The following GRM8 variants were observed in gnomAD, a reference collection of about 807,000 sequenced individuals.
The protein encoded by GRM8 is metabotropic glutamate receptor 8.
GRM8 carries 47 observed loss-of-function variants against 87.2 expected under a neutral mutation model. The ratio of observed to expected loss-of-function variants is 0.54; its 90% CI spans 0.43 to 0.69. GRM8 has a LOEUF of 0.69. GRM8 is among the 30% of genes least tolerant of loss of function. GRM8 has a pLI of 0.00. For synonymous variants in GRM8, 396 were observed against 404.5 expected, an observed-to-expected ratio of 0.98 and a Z score of 0.25; for missense variants, 1,019 against 1,139.2, an observed-to-expected ratio of 0.89 and a Z score of 1.52.
intron 3 of GRM8, among the ~76,000 whole-genome samples, chr7:126,989,929 T>C (rs1812478454): frequency 6.6e-6 from 1 of 151,376 alleles, no homozygotes; most frequent in South Asian, 2.1e-4. Flanking sequence ...CCAGCCTGGG[T>C]GACAGAGCAA....
intron 2 of GRM8, among the ~76,000 whole-genome samples, chr7:127,165,190 A>ATATT (rs1793377704): frequency 1.9e-5 from 2 of 105,720 alleles, no homozygotes; most frequent in Non-Finnish European, 3.9e-5. Flanking sequence ...ATATATATAT[A>ATATT]TATTCAGGTT....
At chr7:126,571,417 C>G (rs10954120) in intron 8 of GRM8, among the ~76,000 whole-genome samples, 1 of 151,896 alleles carries the variant, frequency 6.6e-6, no homozygotes, top group African/African-American at 2.4e-5. Context: ...AGTCTAACTA[C>G]AGAGCCATTG....
intron 9 of GRM8, among the ~76,000 whole-genome samples, chr7:126,469,511 A>C (rs528568084): frequency 3.5e-4 from 53 of 152,252 alleles, no homozygotes; most frequent in African/African-American, 5.1e-4. Flanking sequence ...GGAGGGACTC[A>C]GTGGGAGGGA....
intron 9 of GRM8, among the ~76,000 whole-genome samples, chr7:126,498,882 A>G (rs1809193740): frequency 6.6e-6 from 1 of 152,018 alleles, no homozygotes; most frequent in African/African-American, 2.4e-5. Context: ...TAACTTGTTA[A>G]TTAGATGAAA....
intron 3 of GRM8, among the ~76,000 whole-genome samples, chr7:126,974,393 G>C (rs1447702624): frequency 6.6e-6 from 1 of 152,260 alleles, no homozygotes; most frequent in East Asian, 1.9e-4. Flanking sequence ...ATGTTAGTTT[G>C]CTTCACTATA....
At chr7:127,064,859 A>C (rs1473641984) in intron 3 of GRM8, among the ~76,000 whole-genome samples, 1 of 152,164 alleles carries the variant, frequency 6.6e-6, no homozygotes, top group Non-Finnish European at 1.5e-5. Context: ...ATAAAAAGTC[A>C]AAAAACAACA....
chr7:127,155,652 T>A (rs1792677781), intron 2 of GRM8, among the ~76,000 whole-genome samples: 1 of 152,198 alleles, frequency 6.6e-6, no homozygotes, highest in South Asian at 2.1e-4. Flanking sequence ...TATCTGGAAC[T>A]AAATAGCAAG....
chr7:127,108,885 T>C (rs1239710946), intron 2 of GRM8, among the ~76,000 whole-genome samples: 5 of 152,194 alleles, frequency 3.3e-5, no homozygotes, highest in Non-Finnish European at 4.4e-5. Flanking sequence ...AGAGTATGCA[T>C]TTGTATTTTT....
chr7:127,159,741 G>C (rs1311313837), intron 2 of GRM8, among the ~76,000 whole-genome samples: 1 of 151,670 alleles, frequency 6.6e-6, no homozygotes, highest in Admixed American at 6.6e-5. Context: ...GCTTTACACT[G>C]TTTTTCATAA....
At chr7:127,167,512 C>T (rs1793525250) in intron 2 of GRM8, among the ~76,000 whole-genome samples, 1 of 152,014 alleles carries the variant, frequency 6.6e-6, no homozygotes, top group Admixed American at 6.6e-5. Flanking sequence ...TGTCATTTTT[C>T]CAGCAGCATG....
intron 8 of GRM8, among the ~76,000 whole-genome samples, chr7:126,556,029 C>T (rs1359616301): frequency 6.6e-6 from 1 of 152,114 alleles, no homozygotes. Flanking sequence ...CCAAAAGCAG[C>T]TTGAGCACTT....
intron 7 of GRM8, among the ~76,000 whole-genome samples, chr7:126,674,283 CT>C (rs1190590744): frequency 6.6e-6 from 1 of 152,168 alleles, no homozygotes; most frequent in East Asian, 1.9e-4. Context: ...GTGTTTTTCC[CT>C]AGTCATAATC....
At chr7:126,983,217 A>G (rs1811717807) in intron 3 of GRM8, among the ~76,000 whole-genome samples, 1 of 152,162 alleles carries the variant, frequency 6.6e-6, no homozygotes, top group Admixed American at 6.6e-5. Flanking sequence ...ATATTGTGGG[A>G]ACAGGAAGCA....
At chr7:127,218,410 G>A (rs570406052) in intron 2 of GRM8, among the ~76,000 whole-genome samples, 2 of 152,288 alleles carry the variant, frequency 1.3e-5, no homozygotes, top group South Asian at 2.1e-4. Context: ...CTCTAGCATC[G>A]GACTTGATGA....
chr7:126,788,420 A>AAAAAAAAAACAAAAAAAAAAAAAC, intron 6 of GRM8, among the ~76,000 whole-genome samples: 1 of 81,134 alleles, frequency 1.2e-5, no homozygotes, highest in African/African-American at 4.6e-5. Flanking sequence ...AAAAAAAAAA[A>AAAAAAAAAACAAAAAAAAAAAAAC]AAACCCTTTC....
At chr7:126,697,604 C>CA (rs1809521154) in intron 7 of GRM8, among the ~76,000 whole-genome samples, 1 of 151,946 alleles carries the variant, frequency 6.6e-6, no homozygotes, top group Admixed American at 6.6e-5. Context: ...CATTGTGGGT[C>CA]ATTTTTTTTT....
intron 7 of GRM8, among the ~76,000 whole-genome samples, chr7:126,665,614 G>A (rs1339345354): frequency 6.6e-6 from 1 of 152,072 alleles, no homozygotes; most frequent in East Asian, 1.9e-4. Context: ...AAGGAAAGAA[G>A]GAGGGCGGAA....
intron 8 of GRM8, among the ~76,000 whole-genome samples, chr7:126,590,120 TA>T (rs61063685): frequency 0.4 from 60,108 of 148,440 alleles, 12,162 homozygotes; most frequent in East Asian, 0.48. Context: ...TTTCATGAAA[TA>T]AAAAAAAAAA....
chr7:126,653,797 C>T (rs1042519358), intron 7 of GRM8, among the ~76,000 whole-genome samples: 1 of 152,192 alleles, frequency 6.6e-6, no homozygotes, highest in African/African-American at 2.4e-5. Flanking sequence ...CATCAAAGAG[C>T]AAACTATATT....
Sources: allele counts gnomAD v4.1 joint callset (sites outside exome capture counted in the v4.1 genomes callset), GRCh38; gene constraint gnomAD v4.1.1; transcripts MANE v1.5; gene names NCBI Gene and HGNC (gene_info 2026-07-23, HGNC 2026-07-21).